The following GARNL3 variants were observed in gnomAD, a reference collection of about 807,000 sequenced individuals.
GARNL3 encodes the protein GTPase activating Rap/RanGAP domain like 3.
Under a neutral mutation model 125.0 loss-of-function variants are expected in GARNL3, and 63 were observed. The observed-to-expected ratio is 0.50, with a 90% CI of 0.41 to 0.62. GARNL3 has a LOEUF of 0.62. Ranked by LOEUF, GARNL3 falls within the 20% of genes least tolerant of loss-of-function variation. GARNL3 has a pLI of 0.00. For synonymous variants in GARNL3, 439 were observed against 457.5 expected (o/e 0.96, Z 0.52); for missense variants, 994 against 1,244.0 (o/e 0.80, Z 3.02).
At position 127,266,915 on chromosome 9, in the gene GARNL3, T is replaced by G. The variant is rs566559857; in HGVS notation, c.144+1894T>G. On this transcript the variant is annotated intron_variant, in intron 1 of 27. Coordinates refer to ENST00000373387, the MANE Select transcript of GARNL3 (RefSeq NM_032293.5). This position sits in a 1 kb window ranked among gnomAD's most constrained non-coding sequence, Gnocchi z 4.0. ...ATCACAGAATATCAGAATGGAAAAGTACTTGAGAGCAGTGGTTCTCAAACT... is the reference window on the plus strand; with the variant it reads ...ATCACAGAATATCAGAATGGAAAAGGACTTGAGAGCAGTGGTTCTCAAACT... Among the ~76,000 whole-genome samples the G allele has an allele frequency of 1.3e-5, 2 of 152,308 alleles. No homozygotes were observed. Among genetic ancestry groups the G allele is most frequent in the Admixed American group, 1.3e-4 (2 of 15,294 alleles).
At chr9:127,289,973 G>A (rs2064366467) in intron 1 of GARNL3, among the ~76,000 whole-genome samples, 3 of 152,202 alleles carry the variant, frequency 2.0e-5, no homozygotes, top group Admixed American at 6.5e-5. Context: ...GTGGTTAGAT[G>A]AGGACAATGG....
chr9:127,374,278 G>A (rs1252753390), intron 22 of GARNL3, among the ~76,000 whole-genome samples: 1 of 151,720 alleles, frequency 6.6e-6, no homozygotes, highest in African/African-American at 2.4e-5. Flanking sequence ...TCCAGCCTGG[G>A]CAACAAGAGC....
intron 4 of GARNL3, among the ~76,000 whole-genome samples, chr9:127,315,654 TAAG>T (rs1308214262): frequency 6.7e-6 from 1 of 149,442 alleles, no homozygotes; most frequent in Non-Finnish European, 1.5e-5. Flanking sequence ...AAAATCAAAG[TAAG>T]AAAGATAAAA....
At chr9:127,390,896 C>T in intron 27 of GARNL3, 129 bp downstream of exon 27, 1 of 905,130 alleles carries the variant, frequency 1.1e-6, no homozygotes, top group South Asian at 1.7e-5. Flanking sequence ...GGCCAGCAGC[C>T]TGTTCCTCTC....
intron 1 of GARNL3, among the ~76,000 whole-genome samples, chr9:127,270,564 T>C (rs904516755): frequency 7.9e-5 from 12 of 152,178 alleles, no homozygotes. Context: ...TACTGATGGA[T>C]TCTTGGGGCT....
chr9:127,284,985 A>G (rs1259275475), intron 1 of GARNL3, among the ~76,000 whole-genome samples: 1 of 152,150 alleles, frequency 6.6e-6, no homozygotes, highest in Non-Finnish European at 1.5e-5. Flanking sequence ...AGCTGGGACA[A>G]TAGGCACAAT....
At chr9:127,294,253 C>T (rs1485897546) in intron 2 of GARNL3, among the ~76,000 whole-genome samples, 3 of 152,188 alleles carry the variant, frequency 2.0e-5, no homozygotes, top group African/African-American at 7.2e-5. Context: ...ACTTGCCTTT[C>T]AGTTTTAATT....
chr9:127,298,153 C>T (rs973333154), intron 2 of GARNL3, among the ~76,000 whole-genome samples: 5 of 152,154 alleles, frequency 3.3e-5, no homozygotes, highest in Non-Finnish European at 7.3e-5. Context: ...TATCACCAAA[C>T]GTGTTTCCAA....
chr9:127,291,881 C>G (rs2064432552), intron 2 of GARNL3, among the ~76,000 whole-genome samples: 1 of 152,072 alleles, frequency 6.6e-6, no homozygotes, highest in Non-Finnish European at 1.5e-5. Context: ...CTGACCCTGA[C>G]CCTGGGCAAG....
intron 15 of GARNL3, among the ~76,000 whole-genome samples, chr9:127,344,703 A>C (rs1830045207): frequency 6.6e-6 from 1 of 152,220 alleles, no homozygotes; most frequent in Admixed American, 6.5e-5. Flanking sequence ...CATGACTGGC[A>C]GGAGGAAGCA....
intron 20 of GARNL3, among the ~76,000 whole-genome samples, chr9:127,356,056 A>G (rs1830672165): frequency 6.6e-6 from 1 of 152,186 alleles, no homozygotes; most frequent in Admixed American, 6.5e-5. Context: ...GTCAGAGAGA[A>G]CTGGGAAATA....
intron 1 of GARNL3, among the ~76,000 whole-genome samples, chr9:127,230,338 A>C (rs2062978861): frequency 6.6e-6 from 1 of 152,238 alleles, no homozygotes; most frequent in African/African-American, 2.4e-5. Context: ...ACAAAGCTTT[A>C]GTAAATGGTA....
intron 2 of GARNL3, among the ~76,000 whole-genome samples, chr9:127,293,008 A>G (rs2064471147): frequency 6.6e-6 from 1 of 152,238 alleles, no homozygotes; most frequent in Admixed American, 6.5e-5. Context: ...CTGGAAATAT[A>G]ATATCAAGGA....
At chr9:127,381,099 G>A (rs770906597) in intron 22 of GARNL3, among the ~76,000 whole-genome samples, 7 of 150,224 alleles carry the variant, frequency 4.7e-5, no homozygotes, top group Admixed American at 2.0e-4. Context: ...GGATGGCCTC[G>A]ATCTCCTGAC....
intron 2 of GARNL3, among the ~76,000 whole-genome samples, chr9:127,303,164 A>T (rs2064851141): frequency 6.6e-6 from 1 of 152,200 alleles, no homozygotes; most frequent in Non-Finnish European, 1.5e-5. Flanking sequence ...AAAAATAAAA[A>T]TAAAAATAAA....
At chr9:127,282,305 A>C (rs2064126135) in intron 1 of GARNL3, among the ~76,000 whole-genome samples, 1 of 152,234 alleles carries the variant, frequency 6.6e-6, no homozygotes, top group Admixed American at 6.5e-5. Flanking sequence ...TAATCAGAGC[A>C]TTTTATATTA....
At chr9:127,236,120 T>C (rs1228553668) in intron 1 of GARNL3, among the ~76,000 whole-genome samples, 3 of 152,240 alleles carry the variant, frequency 2.0e-5, no homozygotes, top group African/African-American at 7.2e-5. Context: ...ATATGGCCCT[T>C]GGCTAGACCT....
Position 127,323,267 on chromosome 9 carries a change from A to G in GARNL3, c.568-1802A>G, listed in dbSNP as rs184044548. 2.5e-3 allele frequency among the ~76,000 whole-genome samples: 375 copies of G among 152,374 alleles called. 3 individuals are homozygous for G. Among genetic ancestry groups the G allele is most frequent in the African/African-American group, 8.6e-3 (358 of 41,588 alleles). Reference sequence around the variant, plus strand: ...TTCCGATGCTCACAAATTCAGGAACAAGAATATTTTAAAAATCTGAATTAT... The same window carrying G: ...TTCCGATGCTCACAAATTCAGGAACGAGAATATTTTAAAAATCTGAATTAT... On this transcript the variant is annotated intron_variant, in intron 6 of 27. Coordinates refer to ENST00000373387, the MANE Select transcript of GARNL3 (RefSeq NM_032293.5).
At chr9:127,353,213 G>A (rs1419599084) in intron 17 of GARNL3, among the ~76,000 whole-genome samples, 1 of 152,018 alleles carries the variant, frequency 6.6e-6, no homozygotes, top group African/African-American at 2.4e-5. Context: ...CTGCTGTTTT[G>A]GCAATTTAGT....
Sources: allele counts gnomAD v4.1 joint callset (sites outside exome capture counted in the v4.1 genomes callset), GRCh38; gene constraint gnomAD v4.1.1; non-coding constraint Gnocchi (gnomAD v3.1); transcripts MANE v1.5; gene names NCBI Gene and HGNC (gene_info 2026-07-23, HGNC 2026-07-21).